SMC1B: variants seen among roughly 807,000 people sequenced by gnomAD.
The protein encoded by SMC1B is structural maintenance of chromosomes 1B, also known as structural maintenance of chromosomes protein 1B.
Under a neutral mutation model 157.9 loss-of-function variants are expected in SMC1B, and 60 were observed. That is an observed-to-expected ratio of 0.38 (90% CI 0.31 to 0.47). SMC1B has a LOEUF of 0.47. Ranked by LOEUF, SMC1B falls within the 20% of genes least tolerant of loss-of-function variation. The pLI is 0.99. For missense variants in SMC1B, 1,165 were observed against 1,426.2 expected (o/e 0.82, Z 2.95); for synonymous variants, 445 against 483.0 (o/e 0.92, Z 1.03).
At chr22:45,370,169 CCCA>C in intron 14 of SMC1B, 109 bp from the exon 15 acceptor site, 1 of 574,232 alleles carries the variant, frequency 1.7e-6, no homozygotes, top group Non-Finnish European at 3.0e-6. Context: ...AAAAACTAAT[CCCA>C]CCAAGCATTA....
chr22:45,402,274 T>G, intron 5 of SMC1B, 59 bp downstream of exon 5: 1 of 1,094,808 alleles, frequency 9.1e-7, no homozygotes, highest in Non-Finnish European at 1.4e-6. Context: ...TCACTTATAT[T>G]ATTCCCTCTA....
chr22:45,404,853 G>T (rs1264737503), intron 4 of SMC1B, among the ~76,000 whole-genome samples: 1 of 152,130 alleles, frequency 6.6e-6, no homozygotes, highest in African/African-American at 2.4e-5. Flanking sequence ...ACAGGCCATG[G>T]TCACTCATAT....
At chr22:45,346,372 A>T (rs1409348451) in intron 23 of SMC1B, among the ~76,000 whole-genome samples, 1 of 152,264 alleles carries the variant, frequency 6.6e-6, no homozygotes, top group Non-Finnish European at 1.5e-5. Flanking sequence ...CAAGGAAATG[A>T]GAAGTGCAAA....
At chr22:45,354,273 T>A in intron 20 of SMC1B, 141 bp from the exon 21 acceptor site, 1 of 580,668 alleles carries the variant, frequency 1.7e-6, no homozygotes, top group Non-Finnish European at 2.8e-6. Context: ...CCTAAACTAT[T>A]ATTAATTCCA....
At chr22:45,384,220 C>G (rs1354446581) in intron 11 of SMC1B, among the ~76,000 whole-genome samples, 6 of 152,098 alleles carry the variant, frequency 3.9e-5, no homozygotes, top group African/African-American at 1.4e-4. Context: ...GCCCATTTTC[C>G]CACTATATTA....
Position 45,353,466 on chromosome 22 carries a change from A to G in SMC1B, c.3273+512T>C, listed in dbSNP as rs192919925. ...ACATCTTCATTTCACATTCAATTCC[A>G]CAAGTATTTGCTATGGATACTGATA... is the stretch of plus-strand genomic sequence containing the variant. On this transcript the variant is annotated intron_variant, in intron 21 of 24. Coordinates refer to ENST00000357450, the MANE Select transcript of SMC1B (RefSeq NM_148674.5). 3.9e-5 allele frequency among the ~76,000 whole-genome samples: 6 copies of G among 152,254 alleles called. No individual in the cohort carries two copies. In the East Asian group the frequency reaches 1.2e-3, roughly 29 times the overall value.
intron 4 of SMC1B, 63 bp from the exon 5 acceptor site, chr22:45,402,634 A>G: frequency 9.5e-7 from 1 of 1,057,166 alleles, no homozygotes; most frequent in Admixed American, 2.0e-5. Flanking sequence ...CCTTTCATAA[A>G]CTCAACTACT....
At chr22:45,406,910 G>T in intron 2 of SMC1B, 45 bp from the exon 3 acceptor site, 2 of 1,333,430 alleles carry the variant, frequency 1.5e-6, no homozygotes, top group South Asian at 1.5e-5. Context: ...ATAAATACCA[G>T]ATATACCTCA....
At chr22:45,388,873 G>C (rs1025979507) in intron 10 of SMC1B, among the ~76,000 whole-genome samples, 2 of 151,462 alleles carry the variant, frequency 1.3e-5, no homozygotes, top group African/African-American at 4.9e-5. Context: ...CTGTAACCCA[G>C]CTACTTGGGA....
chr22:45,405,020 T>C (rs548963313), intron 4 of SMC1B, among the ~76,000 whole-genome samples: 2 of 152,250 alleles, frequency 1.3e-5, no homozygotes, highest in Non-Finnish European at 2.9e-5. Context: ...GGGGTGCTAA[T>C]TTAGATTGGA....
chr22:45,345,941 C>CA (rs1387554697), intron 23 of SMC1B, among the ~76,000 whole-genome samples: 1 of 150,436 alleles, frequency 6.6e-6, no homozygotes, highest in African/African-American at 2.4e-5. Context: ...CAGTGGCTCA[C>CA]ACCTGTAACC....
At chr22:45,363,142 C>T (rs2086737978) in intron 15 of SMC1B, 116 bp from the exon 16 acceptor site, 1 of 672,374 alleles carries the variant, frequency 1.5e-6, no homozygotes, top group South Asian at 2.4e-5. Context: ...AATGAACTCC[C>T]AAGTAGCTGT....
chr22:45,356,605 C>A (rs1303078273), intron 19 of SMC1B, among the ~76,000 whole-genome samples: 1 of 151,978 alleles, frequency 6.6e-6, no homozygotes, highest in African/African-American at 2.4e-5. Context: ...AAGGAGTAGG[C>A]AGGAAACAGT....
rs561589425 is a variant in SMC1B at position 45,374,309 on chromosome 22, T to A, written c.2059-2017A>T. 6.4e-4 allele frequency among the ~76,000 whole-genome samples: 98 copies of A among 152,164 alleles called. 1 individual carries two copies. The highest frequency in any genetic ancestry group is 2.3e-3 in the African/African-American group (95 of 41,546). ...GAAAAAAAAACAAAAAACTTTTAGA[T>A]GATCAAGTTGTCTCTAATTAAAGGG... is the stretch of plus-strand genomic sequence containing the variant. On this transcript the variant is annotated intron_variant, in intron 12 of 24. Coordinates refer to ENST00000357450, the MANE Select transcript of SMC1B (RefSeq NM_148674.5).
At chr22:45,345,700 C>G (rs1242273585) in intron 23 of SMC1B, 131 bp from the exon 24 acceptor site, 1 of 602,362 alleles carries the variant, frequency 1.7e-6, no homozygotes, top group Non-Finnish European at 3.0e-6. Flanking sequence ...TCCAATAATT[C>G]AATAAATCCT....
intron 21 of SMC1B, 119 bp downstream of exon 21, chr22:45,353,859 T>C (rs1315144332): frequency 3.8e-6 from 3 of 795,934 alleles, no homozygotes; most frequent in East Asian, 5.6e-5. Context: ...CATGAGTGAG[T>C]TGCTCAAATA....
At chr22:45,371,705 C>A in intron 13 of SMC1B, 118 bp from the exon 14 acceptor site, 1 of 1,224,230 alleles carries the variant, frequency 8.2e-7, no homozygotes, top group Non-Finnish European at 1.1e-6. Context: ...AAGATGAATT[C>A]ACCTGGATAA....
At chr22:45,409,393 CT>C (rs1387306838) in intron 1 of SMC1B, among the ~76,000 whole-genome samples, 2 of 151,808 alleles carry the variant, frequency 1.3e-5, no homozygotes, top group African/African-American at 2.4e-5. Context: ...GTGAAGCCCC[CT>C]CTCTACCAAA....
At chr22:45,379,548 G>A (rs544491505) in intron 12 of SMC1B, among the ~76,000 whole-genome samples, 2 of 151,992 alleles carry the variant, frequency 1.3e-5, no homozygotes, top group South Asian at 4.2e-4. Context: ...TATACATACG[G>A]TCTTTAGAAT....
Sources: allele counts gnomAD v4.1 joint callset (sites outside exome capture counted in the v4.1 genomes callset), GRCh38; gene constraint gnomAD v4.1.1; transcripts MANE v1.5; gene names NCBI Gene and HGNC (gene_info 2026-07-23, HGNC 2026-07-21).